The following HCN1 variants were observed in gnomAD, a reference collection of about 807,000 sequenced individuals.
HCN1 encodes hyperpolarization activated cyclic nucleotide gated potassium channel 1.
Under a neutral mutation model 78.9 loss-of-function variants are expected in HCN1, and 13 were observed. The observed-to-expected ratio is 0.16, with a 90% CI of 0.11 to 0.26. The LOEUF (loss-of-function observed/expected upper bound fraction) is 0.26. HCN1 is among the 10% of genes least tolerant of loss of function. The pLI is 1.00. For missense variants in HCN1, 810 were observed against 1,154.3 expected (o/e 0.70, Z 4.32); for synonymous variants, 552 against 455.5 (o/e 1.21, Z -2.70).
intron 1 of HCN1, among the ~76,000 whole-genome samples, chr5:45,677,088 T>A (rs1221647219): frequency 6.6e-6 from 1 of 151,816 alleles, no homozygotes; most frequent in African/African-American, 2.4e-5. Flanking sequence ...TGTCTTTGAA[T>A]TCTAAGTTCA....
intron 1 of HCN1, among the ~76,000 whole-genome samples, chr5:45,676,512 G>C (rs1746269598): frequency 6.6e-6 from 1 of 151,706 alleles, no homozygotes; most frequent in African/African-American, 2.4e-5. Flanking sequence ...TTTGGAGCAT[G>C]TCTTGGAACA....
At chr5:45,280,543 A>G (rs1408038261) in intron 6 of HCN1, among the ~76,000 whole-genome samples, 1 of 152,112 alleles carries the variant, frequency 6.6e-6, no homozygotes. Context: ...CCTGGCCTCA[A>G]TCTACTGGAA....
At chr5:45,609,763 C>A (rs1372724113) in intron 2 of HCN1, among the ~76,000 whole-genome samples, 1 of 151,968 alleles carries the variant, frequency 6.6e-6, no homozygotes, top group Non-Finnish European at 1.5e-5. Context: ...GACTTGTAAA[C>A]AAAATTTAAG....
intron 2 of HCN1, among the ~76,000 whole-genome samples, chr5:45,496,290 G>A (rs1044143281): frequency 8.6e-5 from 13 of 150,738 alleles, no homozygotes; most frequent in Non-Finnish European, 1.9e-4. Flanking sequence ...CCTGTTATTG[G>A]TCTATTCAGA....
chr5:45,372,259 TTA>T (rs1179388725), intron 4 of HCN1, among the ~76,000 whole-genome samples: 7 of 49,984 alleles, frequency 1.4e-4, no homozygotes, highest in South Asian at 6.5e-4. Context: ...TAATATATAT[TTA>T]TATATATATT....
intron 2 of HCN1, among the ~76,000 whole-genome samples, chr5:45,514,387 C>T (rs188793620): frequency 7.9e-5 from 12 of 152,220 alleles, no homozygotes; most frequent in South Asian, 6.2e-4. Flanking sequence ...TTTCTCTGCT[C>T]TAATCCCACA....
At position 45,303,556 on chromosome 5, in the gene HCN1, C is replaced by A. The variant is rs770134184; in HGVS notation, c.1618+43G>T. ...CCAAAATTCTTAAAGATACAAATCT[C>A]AAGCAGTTTAGATTTCATCTTAGTT... On this transcript the variant is annotated intron_variant, in intron 6 of 7. Transcript: ENST00000303230. 1.9e-6 allele frequency: 3 copies of A among 1,603,178 alleles called. No homozygotes were observed. The South Asian group carries it at 3.3e-5, about 18-fold the overall frequency.
At chr5:45,501,732 G>A (rs1343904685) in intron 2 of HCN1, among the ~76,000 whole-genome samples, 1 of 152,110 alleles carries the variant, frequency 6.6e-6, no homozygotes, top group East Asian at 1.9e-4. Flanking sequence ...GAGCCACTGT[G>A]CCCAGCCACA....
At position 45,668,558 on chromosome 5, in the gene HCN1, C is replaced by T. The variant is rs547074083; in HGVS notation, c.426-22950G>A. The stretch of plus-strand genomic sequence containing the variant: ...TAGTATCTTTAAAGCAGTGTGAAAA[C>T]GGACTGATACAGTCACACATGCAAA... On this transcript the variant is annotated intron_variant, in intron 1 of 7. Transcript: ENST00000303230. 4.3e-4 allele frequency among the ~76,000 whole-genome samples: 65 copies of T among 152,008 alleles called. 1 individual carries two copies. The Middle Eastern group carries it at 0.02, about 48-fold the overall frequency.
chr5:45,399,507 C>T (rs1190118283), intron 3 of HCN1, among the ~76,000 whole-genome samples: 3 of 152,178 alleles, frequency 2.0e-5, no homozygotes, highest in South Asian at 4.1e-4. Context: ...ACTTCAAGGT[C>T]ACATATCAAT....
At chr5:45,389,356 A>G (rs1284588256) in intron 4 of HCN1, among the ~76,000 whole-genome samples, 2 of 152,108 alleles carry the variant, frequency 1.3e-5, no homozygotes, top group Non-Finnish European at 2.9e-5. Context: ...ACAGTATTCC[A>G]TATGAATCAA....
intron 2 of HCN1, among the ~76,000 whole-genome samples, chr5:45,590,463 TG>T (rs1351490269): frequency 6.6e-6 from 1 of 152,228 alleles, no homozygotes; most frequent in Non-Finnish European, 1.5e-5. Flanking sequence ...ATTGTGGCTT[TG>T]GTATAGTTAC....
intron 4 of HCN1, among the ~76,000 whole-genome samples, chr5:45,358,220 C>T (rs1747041655): frequency 6.6e-6 from 1 of 151,978 alleles, no homozygotes; most frequent in Non-Finnish European, 1.5e-5. Context: ...AGTATAATAA[C>T]CATCACGAGC....
intron 5 of HCN1, among the ~76,000 whole-genome samples, chr5:45,329,158 T>C (rs145031996): frequency 1.3e-5 from 2 of 151,450 alleles, no homozygotes; most frequent in African/African-American, 4.8e-5. Context: ...TTCATAAGTA[T>C]ACAATTTGTC....
intron 2 of HCN1, among the ~76,000 whole-genome samples, chr5:45,488,929 G>T (rs1741825870): frequency 6.6e-6 from 1 of 152,114 alleles, no homozygotes. Flanking sequence ...GTTATGAAAG[G>T]CTTTTGCCTT....
At chr5:45,433,679 T>G (rs1042089404) in intron 3 of HCN1, among the ~76,000 whole-genome samples, 2 of 152,204 alleles carry the variant, frequency 1.3e-5, no homozygotes, top group African/African-American at 4.8e-5. Context: ...TTCTTCCTCT[T>G]CTGTCATTAG....
At chr5:45,348,123 G>T (rs1479838657) in intron 5 of HCN1, among the ~76,000 whole-genome samples, 1 of 152,022 alleles carries the variant, frequency 6.6e-6, no homozygotes, top group Non-Finnish European at 1.5e-5. Context: ...GAGAAAGGTC[G>T]GATTACCCAC....
intron 2 of HCN1, among the ~76,000 whole-genome samples, chr5:45,474,226 T>C (rs575156075): frequency 6.6e-6 from 1 of 151,962 alleles, no homozygotes; most frequent in East Asian, 1.9e-4. Flanking sequence ...AATCTGAAGA[T>C]GTCCAAAATT....
intron 2 of HCN1, among the ~76,000 whole-genome samples, chr5:45,509,405 GA>G (rs559527282): frequency 2.6e-5 from 4 of 151,770 alleles, no homozygotes; most frequent in South Asian, 2.1e-4. Context: ...AAAATAAAGG[GA>G]AAAAAAAGCA....
Sources: allele counts gnomAD v4.1 joint callset (sites outside exome capture counted in the v4.1 genomes callset), GRCh38; gene constraint gnomAD v4.1.1; transcripts MANE v1.5; gene names NCBI Gene and HGNC (gene_info 2026-07-23, HGNC 2026-07-21).